Variants in ITPK1 observed in about 807,000 individuals in gnomAD.
The protein encoded by ITPK1 is inositol-tetrakisphosphate 1-kinase, also known as inositol 1,3,4-trisphosphate 5/6-kinase.
A neutral mutation model predicts 45.3 loss-of-function variants in ITPK1; 21 were observed. That is an observed-to-expected ratio of 0.46 (90% CI 0.33 to 0.67). ITPK1 has a LOEUF of 0.67. Among genes scored for constraint, ITPK1 ranks in the 30% least tolerant of loss-of-function variants. The pLI is 0.02. For synonymous variants in ITPK1, 258 were observed against 253.6 expected, an observed-to-expected ratio of 1.02 and a Z score of -0.16; for missense variants, 474 against 573.5, an observed-to-expected ratio of 0.83 and a Z score of 1.77.
In ITPK1 at chr14:93,104,462, C is replaced by CAAAAA. The variant is rs35034223; in HGVS notation, c.95+10602_95+10606dup. ...GGGTGACAATAGCGAAACTCCATCT[C>CAAAAA]AAAAAAAAAAAGAACAGAACTCCTT... On this transcript the variant is annotated intron_variant, in intron 2 of 10. Coordinates refer to ENST00000267615, the MANE Select transcript of ITPK1 (RefSeq NM_014216.6). Among the ~76,000 whole-genome samples the CAAAAA allele has an allele frequency of 4.8e-5, 7 of 145,948 alleles. No individual in the cohort carries two copies. In the East Asian group the frequency reaches 8.0e-4, roughly 17 times the overall value.
chr14:93,021,898 T>A (rs933934161), intron 3 of ITPK1, among the ~76,000 whole-genome samples: 2 of 152,132 alleles, frequency 1.3e-5, no homozygotes, highest in Non-Finnish European at 2.9e-5. Flanking sequence ...ATTCCCTGAT[T>A]TCTGAGTAAC....
At chr14:92,977,496 T>C (rs1054892491) in intron 5 of ITPK1, among the ~76,000 whole-genome samples, 16 of 152,226 alleles carry the variant, frequency 1.1e-4, no homozygotes, top group Admixed American at 8.5e-4. Flanking sequence ...CCGACGTGGT[T>C]TGGCTCTCTG....
chr14:93,112,196 A>G (rs913116034), intron 2 of ITPK1, among the ~76,000 whole-genome samples: 1 of 152,156 alleles, frequency 6.6e-6, no homozygotes, highest in Non-Finnish European at 1.5e-5. Flanking sequence ...CAGAAAGGCA[A>G]TCTCAAGGTA....
intron 5 of ITPK1, among the ~76,000 whole-genome samples, chr14:92,974,665 C>T (rs1223196109): frequency 6.6e-6 from 1 of 152,272 alleles, no homozygotes; most frequent in Non-Finnish European, 1.5e-5. Context: ...GTGGCCCTCT[C>T]AGGTGCCCTC....
At chr14:93,107,007 G>C (rs994562696) in intron 2 of ITPK1, among the ~76,000 whole-genome samples, 2 of 152,004 alleles carry the variant, frequency 1.3e-5, no homozygotes, top group East Asian at 3.9e-4. Context: ...ACCCAGGCTG[G>C]AGTGCAATGG....
intron 3 of ITPK1, among the ~76,000 whole-genome samples, chr14:93,074,101 T>C (rs1891124598): frequency 6.6e-6 from 1 of 152,172 alleles, no homozygotes; most frequent in African/African-American, 2.4e-5. Context: ...GCAGAGTCTT[T>C]CTCAATGTCT....
rs893325702 is a variant in ITPK1 at position 92,940,279 on chromosome 14, TGTG to T, written c.*1279_*1281del. ...CTATCTTAAGACACAAAAACATACTTGTGGGGGCTGATGCCTCTCACCCAGCAC... is the reference window on the plus strand; with the variant it reads ...CTATCTTAAGACACAAAAACATACTTGGGGCTGATGCCTCTCACCCAGCAC... On this transcript the variant is annotated 3_prime_UTR_variant, in exon 11 of 11. Coordinates refer to ENST00000267615, the MANE Select transcript of ITPK1 (RefSeq NM_014216.6). The T allele has an allele frequency of 2.1e-5, 21 of 988,158 alleles. No individual in the cohort carries two copies. The highest frequency in any genetic ancestry group is 2.5e-5 in the Non-Finnish European group (21 of 831,740). 61.2% of individuals were successfully genotyped at this position (988,158 alleles called of 1,614,324 possible).
In ITPK1 at chr14:93,014,048, G is replaced by T. The variant is rs1354680346; in HGVS notation, c.246+2628C>A. Among the ~76,000 whole-genome samples the T allele has an allele frequency of 6.6e-6, 1 of 152,190 alleles. No individual in the cohort carries two copies. The highest frequency in any genetic ancestry group is 1.5e-5 in the Non-Finnish European group (1 of 68,044). The stretch of plus-strand genomic sequence containing the variant: ...CCCGCACCCTTTTCTCCAAAGGATT[G>T]TTCTCCTCACAAAGGAGGAAACTTC... On this transcript the variant is annotated intron_variant, in intron 4 of 10. Transcript: ENST00000267615. This position sits in a 1 kb window ranked among gnomAD's most constrained non-coding sequence, Gnocchi z 4.4.
At chr14:93,020,996 T>C (rs1888433616) in intron 3 of ITPK1, among the ~76,000 whole-genome samples, 1 of 152,058 alleles carries the variant, frequency 6.6e-6, no homozygotes, top group African/African-American at 2.4e-5. Flanking sequence ...TCACACTCAC[T>C]CTTAGCAGTA....
rs899559817 is a variant in ITPK1 at position 92,990,003 on chromosome 14, A to T, written c.364+3877T>A. Among the ~76,000 whole-genome samples the T allele has an allele frequency of 1.4e-4, 22 of 152,170 alleles. 1 individual carries two copies. The highest frequency in any genetic ancestry group is 7.3e-5 in the Non-Finnish European group (5 of 68,036). ...AATTCCAAGGTTGTTCTGCCATGGG[A>T]AAGTTGGGTCCTCAGGCAGGGACCC... is the stretch of plus-strand genomic sequence containing the variant. On this transcript the variant is annotated intron_variant, in intron 5 of 10. Coordinates refer to ENST00000267615, the MANE Select transcript of ITPK1 (RefSeq NM_014216.6).
In ITPK1 at chr14:93,063,717, T is replaced by C. The variant is rs1157517365; in HGVS notation, c.120+12878A>G. ...GGCACTGGCTATGCCATCACACCTCTAGAATCCAATCCCAGCTCCACAGCT... is the reference window on the plus strand; with the variant it reads ...GGCACTGGCTATGCCATCACACCTCCAGAATCCAATCCCAGCTCCACAGCT... On this transcript the variant is annotated intron_variant, in intron 3 of 10. Coordinates refer to ENST00000267615, the MANE Select transcript of ITPK1 (RefSeq NM_014216.6). The surrounding 1 kb of genome is among the most constrained non-coding windows in gnomAD (Gnocchi z 4.3). Among the ~76,000 whole-genome samples, 1 of 152,132 alleles carries C rather than the reference T, an allele frequency of 6.6e-6. No individual in the cohort carries two copies. Among genetic ancestry groups the C allele is most frequent in the African/African-American group, 2.4e-5 (1 of 41,412 alleles).
chr14:92,982,013 G>A (rs1213927940), intron 5 of ITPK1, among the ~76,000 whole-genome samples: 1 of 152,246 alleles, frequency 6.6e-6, no homozygotes, highest in Non-Finnish European at 1.5e-5. Context: ...AGTGTGGAGT[G>A]CAGGGGCAGT....
At chr14:93,067,216 C>A (rs1890795420) in intron 3 of ITPK1, among the ~76,000 whole-genome samples, 1 of 152,174 alleles carries the variant, frequency 6.6e-6, no homozygotes, top group African/African-American at 2.4e-5. Context: ...GCACGCTCCA[C>A]TGAGGCCACG....
intron 9 of ITPK1, among the ~76,000 whole-genome samples, chr14:92,949,824 C>T (rs1483356172): frequency 1.3e-5 from 2 of 152,146 alleles, no homozygotes; most frequent in East Asian, 3.9e-4. Context: ...AATAGCCATC[C>T]TAGGACAAGA....
intron 8 of ITPK1, 141 bp from the exon 9 acceptor site, chr14:92,952,154 C>A: frequency 1.5e-6 from 1 of 686,244 alleles, no homozygotes; most frequent in South Asian, 1.7e-5. Flanking sequence ...CTCCAGCAAG[C>A]TGGGCACCAG....
chr14:93,078,756 C>A (rs1030911052), intron 2 of ITPK1, among the ~76,000 whole-genome samples: 2 of 152,170 alleles, frequency 1.3e-5, no homozygotes, highest in Non-Finnish European at 2.9e-5. Context: ...GACACCTCAG[C>A]CCCTGCCTCA....
In ITPK1 at chr14:92,962,481, T is replaced by C. The variant is rs1398716913; in HGVS notation, c.464-86A>G. The C allele has an allele frequency of 1.6e-5, 15 of 925,136 alleles. No individual in the cohort carries two copies. In the Admixed American group the frequency reaches 2.5e-4, roughly 15 times the overall value. The allele number at this position is 925,136 out of a possible 1,614,324, so 57.3% of individuals were successfully genotyped here. A position where few individuals can be genotyped will look rare whatever the true frequency, so the allele number is the denominator to read the frequency against. Reference sequence around the variant, plus strand: ...GTACTTGGCACGTCTAGAAAGGAACTCTAGCTGAGACACAGACTCTGGACA... The same window carrying C: ...GTACTTGGCACGTCTAGAAAGGAACCCTAGCTGAGACACAGACTCTGGACA... On this transcript the variant is annotated intron_variant, in intron 6 of 10. Coordinates refer to ENST00000267615, the MANE Select transcript of ITPK1 (RefSeq NM_014216.6).
chr14:92,975,155 G>A (rs575237784), intron 5 of ITPK1, among the ~76,000 whole-genome samples: 6 of 152,344 alleles, frequency 3.9e-5, no homozygotes, highest in South Asian at 4.1e-4. Context: ...CATGGCCTTC[G>A]GAATCAGGTC....
At chr14:92,994,411 T>G (rs1886948119) in intron 4 of ITPK1, among the ~76,000 whole-genome samples, 2 of 151,742 alleles carry the variant, frequency 1.3e-5, no homozygotes, top group South Asian at 4.2e-4. Flanking sequence ...TGCGGGAAGG[T>G]GTGGTGGAGA....
Sources: gnomAD v4.1 joint callset for allele counts (sites outside exome capture counted in the v4.1 genomes callset) on GRCh38, gnomAD v4.1.1 for gene constraint, Gnocchi (gnomAD v3.1) non-coding constraint, MANE v1.5 for transcripts, NCBI Gene and HGNC (gene_info 2026-07-23, HGNC 2026-07-21) for gene names.